The following UNC13A variants were observed in gnomAD, a reference collection of about 807,000 sequenced individuals.
UNC13A encodes the protein protein unc-13 homolog A.
UNC13A carries 61 observed loss-of-function variants against 219.7 expected under a neutral mutation model. The observed-to-expected ratio is 0.28, with a 90% CI of 0.23 to 0.34. The LOEUF is 0.34. Among genes scored for constraint, UNC13A ranks in the 10% least tolerant of loss-of-function variants. UNC13A has a pLI of 1.00. For synonymous variants in UNC13A, 920 were observed against 884.6 expected, an observed-to-expected ratio of 1.04 and a Z score of -0.71; for missense variants, 1,476 against 2,270.3, an observed-to-expected ratio of 0.65 and a Z score of 7.11.
chr19:17,631,079 CCTTCCT>C (rs2076840582), intron 28 of UNC13A, among the ~76,000 whole-genome samples: 1 of 121,258 alleles, frequency 8.2e-6, no homozygotes, highest in African/African-American at 3.6e-5. Flanking sequence ...CTCCCTCCTT[CCTTCCT>C]TCCTTCCTTC....
At chr19:17,658,363 C>T (rs766218312) in intron 8 of UNC13A, 94 bp from the exon 9 acceptor site, 96 of 1,213,888 alleles carry the variant, frequency 7.9e-5, no homozygotes, top group Non-Finnish European at 1.1e-4. Flanking sequence ...GTGCCGCTAC[C>T]GAAGAAGAGA....
intron 35 of UNC13A, 146 bp from the exon 36 acceptor site, chr19:17,623,693 G>T: frequency 4.2e-6 from 2 of 475,418 alleles, no homozygotes; most frequent in East Asian, 3.5e-5. Flanking sequence ...GTGGAAGGAT[G>T]GGAAGTCCGA....
At position 17,620,588 on chromosome 19, in the gene UNC13A, A is replaced by G. The variant is rs534506178; in HGVS notation, c.4272+105T>C. ...AGAAGAGACCAACAGACAGGTTCAC[A>G]GTACGCCCTCGGACGGCACGAACCA... On this transcript the variant is annotated intron_variant, in intron 38 of 43. Coordinates refer to ENST00000519716, the MANE Select transcript of UNC13A (RefSeq NM_001080421.3). 4.0e-5 allele frequency: 42 copies of G among 1,040,156 alleles called. 1 individual carries two copies. In the South Asian group the frequency reaches 4.6e-4, roughly 11 times the overall value. 64.4% of individuals were successfully genotyped at this position (1,040,156 alleles called of 1,614,324 possible).
chr19:17,640,469 T>G (rs1254532800), intron 22 of UNC13A, 42 bp downstream of exon 22: 1 of 1,529,490 alleles, frequency 6.5e-7, no homozygotes, highest in East Asian at 2.5e-5. Flanking sequence ...GGCATAAAGT[T>G]GGGCTCTCCC....
At chr19:17,606,411 AC>A in intron 43 of UNC13A, 57 bp from the exon 44 acceptor site, 1 of 1,520,332 alleles carries the variant, frequency 6.6e-7, no homozygotes. Flanking sequence ...TGCCCCGCCC[AC>A]GGCCCCGTCC....
intron 4 of UNC13A, among the ~76,000 whole-genome samples, chr19:17,669,951 T>C (rs2079750343): frequency 2.2e-3 from 11 of 4,982 alleles, no homozygotes; most frequent in Admixed American, 6.1e-3. Flanking sequence ...TTCTTTTCTT[T>C]TTTTTTTTTT....
chr19:17,682,541 G>A (rs1169812586), intron 1 of UNC13A, among the ~76,000 whole-genome samples: 2 of 152,174 alleles, frequency 1.3e-5, no homozygotes, highest in Admixed American at 1.3e-4. Flanking sequence ...AGTGAGGCCA[G>A]GTTAGGGAAA....
rs548121661 is a variant in UNC13A at position 17,607,246 on chromosome 19, CATTTTTATTT to C, written c.4812-902_4812-893del. On this transcript the variant is annotated intron_variant, in intron 43 of 43. Transcript: ENST00000519716. The stretch of plus-strand genomic sequence containing the variant: ...GCTCTGATTTACCCTTACCCCTGTG[CATTTTTATTT>C]ATTTTTATTTATTTTTATTTTTTGA... 2.4e-3 allele frequency among the ~76,000 whole-genome samples: 368 copies of C among 152,126 alleles called. 1 individual carries two copies. The highest frequency in any genetic ancestry group is 0.012 in the South Asian group (59 of 4,812).
At chr19:17,616,329 CTTTTACTA>C in intron 41 of UNC13A, 1 of 661,068 alleles carries the variant, frequency 1.5e-6, no homozygotes, top group East Asian at 2.8e-5. Context: ...AAGGACGATC[CTTTTACTA>C]GCCGGGGCCA....
chr19:17,629,057 CAACT>C (rs2076814544), intron 31 of UNC13A, among the ~76,000 whole-genome samples, 179 bp downstream of exon 31: 1 of 152,132 alleles, frequency 6.6e-6, no homozygotes, highest in Non-Finnish European at 1.5e-5. Flanking sequence ...CAGACACACA[CAACT>C]AGATACACTC....
intron 1 of UNC13A, among the ~76,000 whole-genome samples, chr19:17,683,546 T>A (rs928258319): frequency 2.0e-5 from 3 of 151,954 alleles, no homozygotes; most frequent in Admixed American, 6.6e-5. Context: ...TAATCCCAGC[T>A]ACTCGGGAGG....
chr19:17,608,405 A>G (rs1257340274), intron 43 of UNC13A, among the ~76,000 whole-genome samples: 2 of 136,244 alleles, frequency 1.5e-5, no homozygotes, highest in Non-Finnish European at 3.1e-5. Context: ...TTTATATATA[A>G]TATATAAAAA....
intron 6 of UNC13A, among the ~76,000 whole-genome samples, chr19:17,667,560 G>A (rs1304849180): frequency 6.6e-6 from 1 of 151,722 alleles, no homozygotes; most frequent in Admixed American, 6.6e-5. Flanking sequence ...TGCAACTTCT[G>A]CCTCCCAGAT....
chr19:17,668,289 G>T, intron 5 of UNC13A, 99 bp from the exon 6 acceptor site: 2 of 1,187,328 alleles, frequency 1.7e-6, no homozygotes, highest in South Asian at 1.3e-5. Context: ...CTGGCTTCTG[G>T]GGTCTTTGGC....
Position 17,649,998 on chromosome 19 carries a change from A to G in UNC13A, c.1440-411T>C, listed in dbSNP as rs981124194. Among the ~76,000 whole-genome samples, 5 of 152,156 alleles carry G rather than the reference A, an allele frequency of 3.3e-5. No individual in the cohort carries two copies. Among genetic ancestry groups the G allele is most frequent in the African/African-American group, 4.8e-5 (2 of 41,428 alleles). On this transcript the variant is annotated intron_variant, in intron 12 of 43. Coordinates refer to ENST00000519716, the MANE Select transcript of UNC13A (RefSeq NM_001080421.3). This position sits in a 1 kb window ranked among gnomAD's most constrained non-coding sequence, Gnocchi z 4.4. Reference sequence around the variant, plus strand: ...CTCTTCTACAGATTTCAGAGGGAGCATGGCTCTACCAATGCCTTGATTTCA... The same window carrying G: ...CTCTTCTACAGATTTCAGAGGGAGCGTGGCTCTACCAATGCCTTGATTTCA...
chr19:17,688,046 C>T (rs1568279762), intron 1 of UNC13A, 132 bp downstream of exon 1: 6 of 1,191,048 alleles, frequency 5.0e-6, no homozygotes, highest in Non-Finnish European at 4.5e-6. Context: ...TCGACAAGGG[C>T]TACCCCTCTC....
At chr19:17,654,200 A>G (rs745775524) in intron 11 of UNC13A, among the ~76,000 whole-genome samples, 1 of 152,132 alleles carries the variant, frequency 6.6e-6, no homozygotes, top group African/African-American at 2.4e-5. Flanking sequence ...TGCTTTTCCT[A>G]TGAAACCCAG....
At chr19:17,631,073 C>CTCCTTCCT (rs145013574) in intron 28 of UNC13A, among the ~76,000 whole-genome samples, 26 of 112,784 alleles carry the variant, frequency 2.3e-4, no homozygotes, top group East Asian at 1.8e-3. Flanking sequence ...CCCTCCCTCC[C>CTCCTTCCT]TCCTTCCTTC....
rs576312325 is a variant in UNC13A at position 17,656,237 on chromosome 19, T to C, written c.929A>G (p.Tyr310Cys). 29 of 1,552,168 alleles carry C rather than the reference T, an allele frequency of 1.9e-5. No homozygotes were observed. The East Asian group carries it at 6.8e-4, about 37-fold the overall frequency. The change falls in exon 10 of 44, where the codon TAC becomes TGC. Residue 310 changes from tyrosine (Y) to cysteine (C), a missense_variant. Physicochemically the swap from Tyr to Cys is radical, Grantham distance 194 (BLOSUM62 -2). This residue lies in a region of UNC13A where 351 missense variants were observed against 342.6 expected (regional missense o/e 1.02). Transcript: ENST00000519716. ...GTCCCAGCGAGGCGAGTCTTTGTGG[T>C]AGCTGACCGAGCTGTGGCAGGAGTG... ...SYHSCHSSVS[Y>C]HKDSPRWDQD...
Sources: allele counts gnomAD v4.1 joint callset (sites outside exome capture counted in the v4.1 genomes callset), GRCh38; gene constraint gnomAD v4.1.1; regional missense constraint gnomAD v4.1.1; non-coding constraint Gnocchi (gnomAD v3.1); transcripts MANE v1.5; gene names NCBI Gene and HGNC (gene_info 2026-07-23, HGNC 2026-07-21).